POLR3B: variants seen among roughly 807,000 people sequenced by gnomAD.
POLR3B encodes the protein DNA-directed RNA polymerase III subunit RPC2.
POLR3B carries 96 observed loss-of-function variants against 147.4 expected under a neutral mutation model. The observed-to-expected ratio is 0.65, with a 90% CI of 0.55 to 0.77. The LOEUF (loss-of-function observed/expected upper bound fraction) is 0.77. Ranked by LOEUF, POLR3B falls within the 30% of genes least tolerant of loss-of-function variation. POLR3B has a pLI of 0.00. For missense variants in POLR3B, 1,036 were observed against 1,413.5 expected (o/e 0.73, Z 4.28); for synonymous variants, 461 against 485.9 (o/e 0.95, Z 0.67).
At chr12:106,452,496 C>T (rs1030279333) in intron 19 of POLR3B, among the ~76,000 whole-genome samples, 2 of 152,126 alleles carry the variant, frequency 1.3e-5, no homozygotes, top group South Asian at 2.1e-4. Flanking sequence ...CATAATAATG[C>T]GTGTCTCAGG....
chr12:106,372,728 G>T (rs1013263889), intron 6 of POLR3B, among the ~76,000 whole-genome samples: 3 of 152,038 alleles, frequency 2.0e-5, no homozygotes, highest in African/African-American at 7.2e-5. Flanking sequence ...TGATATACGG[G>T]ATGTGGCTTA....
chr12:106,371,886 A>G (rs1000180685), intron 6 of POLR3B, among the ~76,000 whole-genome samples: 1 of 151,804 alleles, frequency 6.6e-6, no homozygotes, highest in Non-Finnish European at 1.5e-5. Flanking sequence ...ACATGTATAC[A>G]TATGTAACTA....
At chr12:106,393,491 T>TTGTGTGTG (rs71072674) in intron 10 of POLR3B, among the ~76,000 whole-genome samples, 1,811 of 141,420 alleles carry the variant, frequency 0.013, 39 homozygotes, top group African/African-American at 0.046. Context: ...TGTACAGGTT[T>TTGTGTGTG]TGTGTGTGTG....
chr12:106,399,205 G>T (rs1359914369), intron 10 of POLR3B, among the ~76,000 whole-genome samples: 1 of 151,640 alleles, frequency 6.6e-6, no homozygotes, highest in South Asian at 2.1e-4. Flanking sequence ...AGTAGCCGAT[G>T]CAACTGGAAG....
At chr12:106,435,108 T>A (rs970807570) in intron 16 of POLR3B, among the ~76,000 whole-genome samples, 5 of 151,506 alleles carry the variant, frequency 3.3e-5, no homozygotes, top group Non-Finnish European at 7.4e-5. Flanking sequence ...CCTTTTTCTT[T>A]GATTCTTATC....
intron 18 of POLR3B, 40 bp downstream of exon 18, chr12:106,437,819 T>C (rs1244150511): frequency 1.8e-6 from 2 of 1,129,258 alleles, no homozygotes; most frequent in South Asian, 2.5e-5. Flanking sequence ...AAACGTGTTC[T>C]GACTATAGAA....
intron 16 of POLR3B, among the ~76,000 whole-genome samples, 199 bp downstream of exon 16, chr12:106,434,071 C>T (rs575464905): frequency 6.6e-6 from 1 of 152,244 alleles, no homozygotes; most frequent in South Asian, 2.1e-4. Flanking sequence ...AGTCTGCCCT[C>T]AGAGAGCTCA....
chr12:106,466,293 G>A (rs956179237), intron 23 of POLR3B, among the ~76,000 whole-genome samples: 14 of 151,952 alleles, frequency 9.2e-5, no homozygotes, highest in African/African-American at 3.4e-4. Flanking sequence ...ATTTTTTGAT[G>A]GGGGTTGTTT....
At chr12:106,405,804 T>C in intron 10 of POLR3B, 53 bp from the exon 11 acceptor site, 1 of 1,590,998 alleles carries the variant, frequency 6.3e-7, no homozygotes, top group South Asian at 1.1e-5. Context: ...AGGTGCTTGC[T>C]AAACTACCTC....
intron 1 of POLR3B, among the ~76,000 whole-genome samples, chr12:106,363,047 C>T (rs529906157): frequency 3.6e-4 from 55 of 152,252 alleles, no homozygotes; most frequent in Admixed American, 7.9e-4. Context: ...GGCCACTCCT[C>T]GGTCTCCTTT....
At position 106,423,738 on chromosome 12, in the gene POLR3B, A is replaced by G. The variant is rs1057181955; in HGVS notation, c.1102-3459A>G. Reference sequence around the variant, plus strand: ...ACTCAGCCCACTGATTGAAATGTCAATCTCTTCCAGAAACACCCTCAGAGA... The same window carrying G: ...ACTCAGCCCACTGATTGAAATGTCAGTCTCTTCCAGAAACACCCTCAGAGA... On this transcript the variant is annotated intron_variant, in intron 12 of 27. Transcript: ENST00000228347. 5.9e-5 allele frequency among the ~76,000 whole-genome samples: 9 copies of G among 152,178 alleles called. No individual in the cohort carries two copies. In the East Asian group the frequency reaches 7.8e-4, roughly 13 times the overall value.
chr12:106,426,321 G>A (rs1303181348), intron 12 of POLR3B, among the ~76,000 whole-genome samples: 11 of 150,350 alleles, frequency 7.3e-5, no homozygotes, highest in Non-Finnish European at 1.3e-4. Context: ...GCGCAATCTC[G>A]GCTCACTGCA....
chr12:106,477,855 G>A (rs1189500401), intron 23 of POLR3B, among the ~76,000 whole-genome samples: 2 of 150,494 alleles, frequency 1.3e-5, no homozygotes, highest in Non-Finnish European at 3.0e-5. Flanking sequence ...AGCTGTAGAC[G>A]GGAGCTGTTC....
chr12:106,422,905 G>A (rs557738630), intron 12 of POLR3B, among the ~76,000 whole-genome samples: 3 of 152,196 alleles, frequency 2.0e-5, no homozygotes, highest in East Asian at 1.9e-4. Flanking sequence ...GAGAAGATTC[G>A]TAATCTTAAA....
intron 9 of POLR3B, 84 bp from the exon 10 acceptor site, chr12:106,392,947 A>C: frequency 6.3e-7 from 1 of 1,577,456 alleles, no homozygotes; most frequent in Non-Finnish European, 8.7e-7. Context: ...AGTAATACCC[A>C]CAAACAATGC....
At position 106,363,886 on chromosome 12, in the gene POLR3B, T is replaced by C; in HGVS notation, c.89T>C (p.Leu30Pro). The change falls in exon 2 of 28, where the codon CTT becomes CCT. Residue 30 changes from leucine to proline, a missense_variant. Coordinates refer to ENST00000228347, the MANE Select transcript of POLR3B (RefSeq NM_018082.6). ...IPTVEEKWRL[L>P]PAFLKVKGLV... is the part of the protein sequence containing the mutation. Reference sequence around the variant, plus strand: ...GGCTCACAGGAAAAATGGAGGCTGCTTCCAGCATTTTTAAAGGTAATTGTT... The same window carrying C: ...GGCTCACAGGAAAAATGGAGGCTGCCTCCAGCATTTTTAAAGGTAATTGTT... 1 of 1,608,526 alleles carries C rather than the reference T, an allele frequency of 6.2e-7. No homozygotes were observed. The highest frequency in any genetic ancestry group is 8.5e-7 in the Non-Finnish European group (1 of 1,175,324).
intron 10 of POLR3B, among the ~76,000 whole-genome samples, chr12:106,399,957 A>G (rs1240901550): frequency 6.6e-6 from 1 of 152,246 alleles, no homozygotes. Context: ...TGACATCATA[A>G]TGACAGATCA....
rs139597947 is a variant in POLR3B, at chr12:106,437,661, T to A, written c.1857-20T>A. 150 of 1,407,688 alleles carry A rather than the reference T, an allele frequency of 1.1e-4. No individual in the cohort carries two copies. The East Asian group carries it at 1.5e-3, about 14-fold the overall frequency. The allele number at this position is 1,407,688 out of a possible 1,614,324, so 87.2% of individuals were successfully genotyped here. ...GAAAAATGCTTTTTAATGATGTCTC[T>A]TTCACCAATATTTTCCCAGGAATTT... On this transcript the variant is annotated intron_variant, in intron 17 of 27. Coordinates refer to ENST00000228347, the MANE Select transcript of POLR3B (RefSeq NM_018082.6).
At chr12:106,416,388 T>A (rs1003936952) in intron 12 of POLR3B, among the ~76,000 whole-genome samples, 2 of 152,172 alleles carry the variant, frequency 1.3e-5, no homozygotes, top group Non-Finnish European at 2.9e-5. Context: ...GAACACAGCG[T>A]CAGTACATTT....
Sources: gnomAD v4.1 joint callset for allele counts (sites outside exome capture counted in the v4.1 genomes callset) on GRCh38, gnomAD v4.1.1 for gene constraint, MANE v1.5 for transcripts, NCBI Gene and HGNC (gene_info 2026-07-23, HGNC 2026-07-21) for gene names.